ZBTB38: variants seen among roughly 807,000 people sequenced by gnomAD.
The protein encoded by ZBTB38 is zinc finger and BTB domain-containing protein 38.
In ZBTB38, 20 loss-of-function variants were observed where a neutral mutation model predicts 76.8. That is an observed-to-expected ratio of 0.26 (90% confidence interval 0.18 to 0.38). The LOEUF (loss-of-function observed/expected upper bound fraction) is 0.38. Among genes scored for constraint, ZBTB38 ranks in the 10% least tolerant of loss-of-function variants. The pLI is 1.00. For synonymous variants in ZBTB38, 504 were observed against 544.2 expected (o/e 0.93, Z 1.03); for missense variants, 1,082 against 1,482.3 (o/e 0.73, Z 4.43).
chr3:141,328,174 CCTT>C (rs778257000), intron 1 of ZBTB38, among the ~76,000 whole-genome samples: 2 of 152,302 alleles, frequency 1.3e-5, no homozygotes, highest in Non-Finnish European at 2.9e-5. Context: ...CTCCCAGTCT[CCTT>C]CATGGACTTC....
rs1242838856 is a variant in ZBTB38, at chr3:141,413,796, C to A, written c.-1+9765C>A. Among the ~76,000 whole-genome samples the A allele has an allele frequency of 6.6e-6, 1 of 152,188 alleles. No homozygotes were observed. The highest frequency in any genetic ancestry group is 6.5e-5 in the Admixed American group (1 of 15,278). On this transcript the variant is annotated intron_variant, in intron 5 of 5. Transcript: ENST00000321464. The surrounding 1 kb of genome is among the most constrained non-coding windows in gnomAD (Gnocchi z 4.1). ...TTCTTGAAGCTTGAACAGACTTTAT[C>A]ATTAATGTGACTGACTGGAGCAAAG...
intron 4 of ZBTB38, chr3:141,387,385 G>A (rs1282096862): frequency 6.6e-6 from 1 of 151,866 alleles, no homozygotes; most frequent in African/African-American, 2.4e-5. Context: ...ATGTTGTATT[G>A]TTAATTAATG....
upstream of ZBTB38, among the ~76,000 whole-genome samples, chr3:141,364,148 C>T (rs13100711): frequency 0.24 from 35,761 of 150,130 alleles, 5,030 homozygotes; most frequent in Non-Finnish European, 0.31. Flanking sequence ...AAAATTAGGC[C>T]GAGTGTGGTG....
At chr3:141,342,861 T>C (rs1943239730) in intron 1 of ZBTB38, among the ~76,000 whole-genome samples, 1 of 151,192 alleles carries the variant, frequency 6.6e-6, no homozygotes, top group African/African-American at 2.4e-5. Flanking sequence ...AGAAAAATTA[T>C]GAACAAGAGC....
intron 5 of ZBTB38, among the ~76,000 whole-genome samples, chr3:141,435,263 T>C (rs2078493290): frequency 6.6e-6 from 1 of 152,240 alleles, no homozygotes; most frequent in Non-Finnish European, 1.5e-5. Context: ...AATCCCAATG[T>C]ATACCTATTT....
intron 5 of ZBTB38, among the ~76,000 whole-genome samples, chr3:141,441,502 G>A (rs1398358812): frequency 6.6e-6 from 1 of 152,184 alleles, no homozygotes; most frequent in Non-Finnish European, 1.5e-5. Context: ...TACTAAAGGG[G>A]AAACTAGAAA....
intron 1 of ZBTB38, among the ~76,000 whole-genome samples, chr3:141,333,995 TA>T (rs1942932632): frequency 6.6e-6 from 1 of 152,086 alleles, no homozygotes; most frequent in Non-Finnish European, 1.5e-5. Flanking sequence ...AGGTAGTGTC[TA>T]AAGTCAGCAC....
At chr3:141,353,744 A>C (rs954503880) in intron 1 of ZBTB38, among the ~76,000 whole-genome samples, 2 of 152,172 alleles carry the variant, frequency 1.3e-5, no homozygotes, top group African/African-American at 2.4e-5. Context: ...ACACATGAGC[A>C]TAGCAAATGA....
chr3:141,372,509 G>A (rs534897076), intron 2 of ZBTB38, among the ~76,000 whole-genome samples: 8 of 152,054 alleles, frequency 5.3e-5, no homozygotes, highest in Admixed American at 1.3e-4. Context: ...AAAATTAGCC[G>A]AGCAGGGTGG....
At chr3:141,379,122 G>C (rs1945832852) in intron 2 of ZBTB38, among the ~76,000 whole-genome samples, 1 of 152,176 alleles carries the variant, frequency 6.6e-6, no homozygotes. Context: ...TGAGATGGCT[G>C]CCTTCTCTTT....
chr3:141,356,498 A>G (rs936511192), intron 1 of ZBTB38, among the ~76,000 whole-genome samples: 5 of 152,192 alleles, frequency 3.3e-5, no homozygotes, highest in African/African-American at 1.2e-4. Context: ...TTGGTCGACC[A>G]TAAAGACTGA....
chr3:141,399,987 C>CTTTTTTTTT (rs557587979), intron 4 of ZBTB38, among the ~76,000 whole-genome samples: 2 of 80,464 alleles, frequency 2.5e-5, no homozygotes, highest in Non-Finnish European at 4.8e-5. Flanking sequence ...GAAAGTCTTG[C>CTTTTTTTTT]TTTTTTTTTT....
Position 141,444,915 on chromosome 3 carries a change from A to C in ZBTB38, c.2527A>C (p.Ile843Leu). The change falls in exon 6 of 6, where the codon ATT (isoleucine) becomes CTT (leucine). Residue 843 changes from isoleucine (I) to leucine (L), a missense_variant. By Grantham distance (5) the Ile-to-Leu change is conservative. Transcript: ENST00000321464. This position sits in a 1 kb window ranked among gnomAD's most constrained non-coding sequence, Gnocchi z 5.1. ...ACCCCTTTGCCAAATAACAGTGAAA[A>C]TTGGAAACGAAGCCATTGTGAAAAG... ...VAPLCQITVK[I>L]GNEAIVKRHI... The C allele has an allele frequency of 6.2e-7, 1 of 1,614,210 alleles. No homozygotes were observed. The highest frequency in any genetic ancestry group is 1.6e-4 in the Middle Eastern group (1 of 6,062).
Position 141,412,087 on chromosome 3 carries a change from C to T in ZBTB38, c.-1+8056C>T, listed in dbSNP as rs558221529. ...GTCTTAACCTCCAATCCTAGCAACT[C>T]CCTTACATTAAAAATGACCTATATT... On this transcript the variant is annotated intron_variant, in intron 5 of 5. Coordinates refer to ENST00000321464, the MANE Select transcript of ZBTB38 (RefSeq NM_001376113.1). Among the ~76,000 whole-genome samples, 17 of 152,284 alleles carry T rather than the reference C, an allele frequency of 1.1e-4. No homozygotes were observed. In the South Asian group the frequency reaches 3.5e-3, roughly 32 times the overall value.
chr3:141,361,746 G>C (rs1470365066), intron 1 of ZBTB38, among the ~76,000 whole-genome samples: 1 of 152,182 alleles, frequency 6.6e-6, no homozygotes, highest in African/African-American at 2.4e-5. Context: ...GTAAATTACA[G>C]GAAAGAGCCT....
chr3:141,435,842 G>C (rs1016041803), intron 5 of ZBTB38, among the ~76,000 whole-genome samples: 3 of 151,676 alleles, frequency 2.0e-5, no homozygotes, highest in African/African-American at 7.3e-5. Flanking sequence ...TGACATTAAA[G>C]TCCGATGGCC....
At chr3:141,369,065 T>C (rs1378482496) in intron 1 of ZBTB38, among the ~76,000 whole-genome samples, 1 of 150,312 alleles carries the variant, frequency 6.7e-6, no homozygotes, top group Non-Finnish European at 1.5e-5. Flanking sequence ...TGCCTTTCCC[T>C]GTCAACCCTC....
At chr3:141,354,486 C>G (rs1282224418) in intron 1 of ZBTB38, among the ~76,000 whole-genome samples, 1 of 152,092 alleles carries the variant, frequency 6.6e-6, no homozygotes, top group Admixed American at 6.6e-5. Flanking sequence ...CCCCTCCTCT[C>G]TCTCCCAGCT....
At chr3:141,401,329 T>TAA (rs1263593806) in intron 4 of ZBTB38, among the ~76,000 whole-genome samples, 2 of 152,226 alleles carry the variant, frequency 1.3e-5, no homozygotes, top group African/African-American at 4.8e-5. Flanking sequence ...TGGGAAATGC[T>TAA]AATATACATG....
Sources: gnomAD v4.1 joint callset for allele counts (sites outside exome capture counted in the v4.1 genomes callset) on GRCh38, gnomAD v4.1.1 for gene constraint, Gnocchi (gnomAD v3.1) non-coding constraint, MANE v1.5 for transcripts, NCBI Gene and HGNC (gene_info 2026-07-23, HGNC 2026-07-21) for gene names.